Variants in E2F6 observed in about 807,000 individuals in gnomAD.
E2F6 encodes the protein E2F transcription factor 6.
E2F6 carries 19 observed loss-of-function variants against 31.5 expected under a neutral mutation model. That is an observed-to-expected ratio of 0.60 (90% CI 0.42 to 0.89). The LOEUF (loss-of-function observed/expected upper bound fraction) is 0.89, where lower values mean the gene tolerates loss of function less well. Among genes scored for constraint, E2F6 ranks in the 40% least tolerant of loss-of-function variants. The pLI, the probability that E2F6 is intolerant of heterozygous loss-of-function variation, is 0.00. For synonymous variants in E2F6, 121 were observed against 127.7 expected, an observed-to-expected ratio of 0.95 and a Z score of 0.36; for missense variants, 269 against 341.6, an observed-to-expected ratio of 0.79 and a Z score of 1.67.
At chr2:11,460,548 A>G in intron 1 of E2F6, among the ~76,000 whole-genome samples, 1 of 152,176 alleles carries the variant, frequency 6.6e-6, no homozygotes, top group East Asian at 1.9e-4. Context: ...CAGCCAGCCT[A>G]TTGTGGGGCT....
At chr2:11,461,321 T>C (rs1357264929) in intron 1 of E2F6, among the ~76,000 whole-genome samples, 1 of 152,200 alleles carries the variant, frequency 6.6e-6, no homozygotes, top group East Asian at 1.9e-4. Flanking sequence ...AGATGCTCTG[T>C]GAGGCTAAGA....
At chr2:11,456,614 A>G (rs1224696553) in intron 2 of E2F6, among the ~76,000 whole-genome samples, 2 of 152,206 alleles carry the variant, frequency 1.3e-5, no homozygotes, top group African/African-American at 4.8e-5. Context: ...AGCTCAATAA[A>G]TGTTAGATAT....
chr2:11,448,118 C>G (rs1228140666), intron 5 of E2F6, among the ~76,000 whole-genome samples: 1 of 152,054 alleles, frequency 6.6e-6, no homozygotes, highest in Non-Finnish European at 1.5e-5. Context: ...GATTTCCAGA[C>G]CAATGAACAG....
intron 5 of E2F6, among the ~76,000 whole-genome samples, chr2:11,448,809 T>C (rs970957997): frequency 6.6e-6 from 1 of 152,224 alleles, no homozygotes; most frequent in South Asian, 2.1e-4. Flanking sequence ...TCTGCCACTA[T>C]AGTATGAAAG....
chr2:11,465,884 CCCGG>C lies in E2F6; in HGVS notation c.-9_-6del. ...CGCCGGCCGCTGCTGACTCATGCTG[CCCGG>C]CCGGGCGTCCTGCTCCCCTCGCACC... On this transcript the variant is annotated 5_prime_UTR_variant, in exon 1 of 7. Coordinates refer to ENST00000381525, the MANE Select transcript of E2F6 (RefSeq NM_198256.4). 1 of 1,546,120 alleles carries C rather than the reference CCCGG, an allele frequency of 6.5e-7. No homozygotes were observed. The highest frequency in any genetic ancestry group is 8.7e-7 in the Non-Finnish European group (1 of 1,145,024).
intron 1 of E2F6, among the ~76,000 whole-genome samples, chr2:11,463,667 T>C (rs1671925247): frequency 6.6e-6 from 1 of 151,956 alleles, no homozygotes; most frequent in Admixed American, 6.6e-5. Flanking sequence ...AATACCAACA[T>C]GTGGCCAGCT....
chr2:11,445,076 G>A lies in E2F6; in HGVS notation c.*1401C>T, dbSNP rs1670639794. On this transcript the variant is annotated 3_prime_UTR_variant, in exon 7 of 7. Transcript: ENST00000381525. ...CAGCAGAGGGACAGGACTGGCAAAAGCCACCAGAGCTCAGAGGTATGTGAA... is the reference window on the plus strand; with the variant it reads ...CAGCAGAGGGACAGGACTGGCAAAAACCACCAGAGCTCAGAGGTATGTGAA... 6.6e-6 allele frequency: 1 copy of A among 152,210 alleles called. No individual in the cohort carries two copies. Among genetic ancestry groups the A allele is most frequent in the Non-Finnish European group, 1.5e-5 (1 of 68,042 alleles). The allele number at this position is 152,210 out of a possible 1,614,324, so 9.4% of individuals were successfully genotyped here. A position where few individuals can be genotyped will look rare whatever the true frequency, so the allele number is the denominator to read the frequency against.
chr2:11,455,360 T>G (rs1671338878), intron 2 of E2F6: 1 of 1,212,850 alleles, frequency 8.2e-7, no homozygotes, highest in African/African-American at 1.6e-5. Flanking sequence ...AGAAATGTCC[T>G]TACTCAGAAC....
chr2:11,449,309 A>C (rs929999850), intron 5 of E2F6, among the ~76,000 whole-genome samples: 2 of 152,172 alleles, frequency 1.3e-5, no homozygotes, highest in Non-Finnish European at 2.9e-5. Context: ...AAACAGGTCA[A>C]GAAAATATTC....
intron 1 of E2F6, among the ~76,000 whole-genome samples, chr2:11,458,769 T>C (rs1671575817): frequency 6.6e-6 from 1 of 152,156 alleles, no homozygotes; most frequent in African/African-American, 2.4e-5. Context: ...TATTAACAAA[T>C]CACCCCAATA....
chr2:11,454,316 A>T (rs1277448186), intron 2 of E2F6, among the ~76,000 whole-genome samples: 1 of 151,526 alleles, frequency 6.6e-6, no homozygotes, highest in Non-Finnish European at 1.5e-5. Flanking sequence ...TATTAAGACA[A>T]TTATGACATA....
rs751061953 is a variant in E2F6, at chr2:11,448,941, C to T, written c.651+1071G>A. On this transcript the variant is annotated intron_variant, in intron 5 of 6. Transcript: ENST00000381525. ...AGTTTGCCACCCATCACACTAGGTC[C>T]CCAGATCTTCACGGTCAGGCTCTGG... Among the ~76,000 whole-genome samples, 46 of 152,174 alleles carry T rather than the reference C, an allele frequency of 3.0e-4. 1 individual carries two copies. The highest frequency in any genetic ancestry group is 5.9e-4 in the Non-Finnish European group (40 of 68,026).
chr2:11,451,714 T>G lies in E2F6; in HGVS notation c.473A>C (p.Asp158Ala), dbSNP rs1468366426. The G allele has an allele frequency of 6.2e-7, 1 of 1,610,802 alleles. No homozygotes were observed. The highest frequency in any genetic ancestry group is 1.7e-5 in the Admixed American group (1 of 59,798). ...CTGAGCACAATCCTTAATTAACTCA[T>G]CCAAAGCATCTTCCATTGCTGATAA... is the stretch of plus-strand genomic sequence containing the variant. ...SDLSAMEDAL[D>A]ELIKDCAQQL... The change falls in exon 4 of 7, where the codon GAT becomes GCT. Residue 158 changes from aspartate to alanine, a missense_variant. Asp to Ala is a moderately radical substitution (Grantham distance 126). Transcript: ENST00000381525.
rs772164428 is a variant in E2F6, at chr2:11,465,758, G to A, written c.108+14C>T. On this transcript the variant is annotated intron_variant, in intron 1 of 6. Transcript: ENST00000381525. Reference sequence around the variant, plus strand: ...GGAGACCACCGCCCGTCCCCGTCCCGTCCCGGAGCTTACCAGCAGGCCCTC... The same window carrying A: ...GGAGACCACCGCCCGTCCCCGTCCCATCCCGGAGCTTACCAGCAGGCCCTC... 5.1e-6 allele frequency: 8 copies of A among 1,577,560 alleles called. No individual in the cohort carries two copies. Among genetic ancestry groups the A allele is most frequent in the East Asian group, 4.7e-5 (2 of 42,798 alleles).
intron 4 of E2F6, among the ~76,000 whole-genome samples, chr2:11,450,602 A>G (rs922337166): frequency 6.6e-6 from 1 of 152,234 alleles, no homozygotes; most frequent in African/African-American, 2.4e-5. Context: ...AACGACTTAG[A>G]GATTAAGTTT....
At chr2:11,465,178 C>CA (rs59561027) in intron 1 of E2F6, among the ~76,000 whole-genome samples, 10,782 of 88,440 alleles carry the variant, frequency 0.12, 683 homozygotes, top group African/African-American at 0.14. Context: ...AACTCAATCT[C>CA]AAAAAAAAAA....
chr2:11,465,797 T>C lies in E2F6; in HGVS notation c.83A>G (p.Asp28Gly). 1 of 1,600,302 alleles carries C rather than the reference T, an allele frequency of 6.2e-7. No individual in the cohort carries two copies. Among genetic ancestry groups the C allele is most frequent in the Middle Eastern group, 1.7e-4 (1 of 6,040 alleles). The part of the protein sequence containing the change: ...TEETVRRRCR[D>G]PINVEGLLPS... Reference sequence around the variant, plus strand: ...CAGCAGGCCCTCCACGTTGATGGGGTCTCGGCACCGACGGCGAACCGTCTC... The same window carrying C: ...CAGCAGGCCCTCCACGTTGATGGGGCCTCGGCACCGACGGCGAACCGTCTC... Residue 28 changes from aspartate to glycine, a missense_variant, in exon 1 of 7, where the codon GAC (aspartate) becomes GGC (glycine). Transcript: ENST00000381525.
intron 2 of E2F6, chr2:11,455,387 T>A (rs1572501991): frequency 6.4e-6 from 8 of 1,257,880 alleles, no homozygotes; most frequent in Non-Finnish European, 7.2e-6. Flanking sequence ...AATGTCACAT[T>A]TAGTTTAAAG....
chr2:11,460,883 G>T (rs114291285), intron 1 of E2F6, among the ~76,000 whole-genome samples: 3 of 152,254 alleles, frequency 2.0e-5, no homozygotes, highest in African/African-American at 4.8e-5. Context: ...AATGTCACCA[G>T]GTGATAGAAA....
Sources: gnomAD v4.1 joint callset for allele counts (sites outside exome capture counted in the v4.1 genomes callset) on GRCh38, gnomAD v4.1.1 for gene constraint, MANE v1.5 for transcripts, NCBI Gene and HGNC (gene_info 2026-07-23, HGNC 2026-07-21) for gene names.